ZFPM2: variants seen among roughly 807,000 people sequenced by gnomAD.
ZFPM2 encodes zinc finger protein ZFPM2.
ZFPM2 carries 20 observed loss-of-function variants against 98.6 expected under a neutral mutation model. That is an observed-to-expected ratio of 0.20 (90% CI 0.14 to 0.29). ZFPM2 has a LOEUF of 0.29. Among genes scored for constraint, ZFPM2 ranks in the 10% least tolerant of loss-of-function variants. The probability of loss-of-function intolerance (pLI) is 1.00; values close to 1 mark genes in which losing one functional copy is unlikely to be tolerated. For missense variants in ZFPM2, 1,310 were observed against 1,388.6 expected (o/e 0.94, Z 0.90); for synonymous variants, 518 against 502.7 (o/e 1.03, Z -0.41).
chr8:105,541,469 AT>A (rs1482942061), intron 3 of ZFPM2, among the ~76,000 whole-genome samples: 2 of 152,280 alleles, frequency 1.3e-5, no homozygotes, highest in East Asian at 1.9e-4. Context: ...TCAAAGAAGA[AT>A]CTCTATATTG....
chr8:105,681,388 A>T (rs1484939646), intron 5 of ZFPM2, among the ~76,000 whole-genome samples: 1 of 152,124 alleles, frequency 6.6e-6, no homozygotes, highest in Admixed American at 6.6e-5. Context: ...TTTAGTTCTG[A>T]TGACATTCTT....
intron 5 of ZFPM2, among the ~76,000 whole-genome samples, chr8:105,688,972 C>T (rs544121709): frequency 6.6e-6 from 1 of 152,266 alleles, no homozygotes; most frequent in East Asian, 1.9e-4. Context: ...GGTGGCTCCA[C>T]CCCACCTACT....
chr8:105,595,505 G>A (rs568516711), intron 4 of ZFPM2, among the ~76,000 whole-genome samples: 1 of 152,186 alleles, frequency 6.6e-6, no homozygotes, highest in South Asian at 2.1e-4. Flanking sequence ...TTTAAGAAGA[G>A]TTTTGAAGGA....
At chr8:105,666,324 G>A (rs1316561497) in intron 5 of ZFPM2, among the ~76,000 whole-genome samples, 2 of 152,178 alleles carry the variant, frequency 1.3e-5, no homozygotes, top group African/African-American at 4.8e-5. Flanking sequence ...GCAATTCAGT[G>A]TCTGAATTAA....
chr8:105,655,486 C>T (rs1418235594), intron 5 of ZFPM2, among the ~76,000 whole-genome samples: 1 of 152,152 alleles, frequency 6.6e-6, no homozygotes, highest in Non-Finnish European at 1.5e-5. Flanking sequence ...CCACTTCAGC[C>T]TCCCAAAGTG....
chr8:105,470,356 A>G (rs991002120), intron 3 of ZFPM2, among the ~76,000 whole-genome samples: 1 of 152,182 alleles, frequency 6.6e-6, no homozygotes, highest in African/African-American at 2.4e-5. Context: ...TTTCATCAAC[A>G]AAATGGACCA....
chr8:105,434,857 T>C (rs1441309969), intron 2 of ZFPM2, among the ~76,000 whole-genome samples: 1 of 152,204 alleles, frequency 6.6e-6, no homozygotes, highest in Non-Finnish European at 1.5e-5. Context: ...CTTGCATGAC[T>C]GCTTTCAAAC....
At chr8:105,647,644 T>C (rs1563757030) in intron 5 of ZFPM2, among the ~76,000 whole-genome samples, 2 of 152,034 alleles carry the variant, frequency 1.3e-5, no homozygotes, top group South Asian at 4.1e-4. Context: ...TTTTTGTCTT[T>C]GCGATAGTTT....
intron 4 of ZFPM2, among the ~76,000 whole-genome samples, chr8:105,564,259 G>A (rs1815200576): frequency 6.6e-6 from 1 of 151,704 alleles, no homozygotes; most frequent in Non-Finnish European, 1.5e-5. Context: ...ATTGGGTAAT[G>A]GGTGATTATT....
At chr8:105,795,644 T>A in intron 6 of ZFPM2, 1 of 270,376 alleles carries the variant, frequency 3.7e-6, no homozygotes, top group Non-Finnish European at 7.2e-6. Context: ...ATGATAAGCT[T>A]AGAACACTTT....
intron 4 of ZFPM2, among the ~76,000 whole-genome samples, chr8:105,584,978 C>G (rs1815681138): frequency 6.6e-6 from 1 of 151,970 alleles, no homozygotes. Flanking sequence ...CAACTTAAAG[C>G]AAATGAGCCT....
At chr8:105,755,973 A>G (rs1812587258) in intron 5 of ZFPM2, among the ~76,000 whole-genome samples, 1 of 152,140 alleles carries the variant, frequency 6.6e-6, no homozygotes, top group South Asian at 2.1e-4. Flanking sequence ...GGTGAGTGTA[A>G]GATATTCTCC....
intron 3 of ZFPM2, among the ~76,000 whole-genome samples, chr8:105,537,474 A>C (rs1426641138): frequency 6.6e-5 from 10 of 152,158 alleles, no homozygotes; most frequent in Non-Finnish European, 1.0e-4. Context: ...CCATGAGTTC[A>C]AGGCTATCCT....
chr8:105,736,262 A>G (rs1179635225), intron 5 of ZFPM2, among the ~76,000 whole-genome samples: 1 of 152,008 alleles, frequency 6.6e-6, no homozygotes, highest in African/African-American at 2.4e-5. Context: ...AATATGAGCC[A>G]GAATAAAAGA....
intron 4 of ZFPM2, among the ~76,000 whole-genome samples, chr8:105,610,190 G>A (rs959244846): frequency 1.3e-5 from 2 of 152,126 alleles, no homozygotes; most frequent in African/African-American, 4.8e-5. Flanking sequence ...CAATCAGAGA[G>A]CCCAGGCTGT....
chr8:105,503,049 G>C (rs1253340742), intron 3 of ZFPM2, among the ~76,000 whole-genome samples: 16 of 152,174 alleles, frequency 1.1e-4, no homozygotes, highest in Non-Finnish European at 1.9e-4. Context: ...ATATTTAGCA[G>C]CATCTGGTGT....
chr8:105,696,550 G>A (rs114209921), intron 5 of ZFPM2, among the ~76,000 whole-genome samples: 1,862 of 152,152 alleles, frequency 0.012, 32 homozygotes, highest in African/African-American at 0.042. Flanking sequence ...AAATTAGAGA[G>A]CTAATTATTT....
intron 3 of ZFPM2, among the ~76,000 whole-genome samples, chr8:105,478,796 C>G (rs1375423125): frequency 2.0e-5 from 3 of 152,180 alleles, no homozygotes; most frequent in Admixed American, 1.3e-4. Context: ...AGAAGCACTG[C>G]CTTGGAAGAC....
rs1278971535 is a variant in ZFPM2, at chr8:105,488,130, A to G, written c.301+43749A>G. ...AATCTGTATTGACACATCATAATCA[A>G]TCGAAGTTCACAGTTTTCATTAGGG... is the stretch of plus-strand genomic sequence containing the variant. On this transcript the variant is annotated intron_variant, in intron 3 of 7. Transcript: ENST00000407775. Among the ~76,000 whole-genome samples, 4 of 152,172 alleles carry G rather than the reference A, an allele frequency of 2.6e-5. No homozygotes were observed. In the East Asian group the frequency reaches 7.7e-4, roughly 29 times the overall value.
Sources: gnomAD v4.1 joint callset for allele counts (sites outside exome capture counted in the v4.1 genomes callset) on GRCh38, gnomAD v4.1.1 for gene constraint, MANE v1.5 for transcripts, NCBI Gene and HGNC (gene_info 2026-07-23, HGNC 2026-07-21) for gene names.